Variants in IK observed in about 807,000 individuals in gnomAD.
IK encodes IK cytokine.
A neutral mutation model predicts 90.9 loss-of-function variants in IK; 47 were observed. The ratio of observed to expected loss-of-function variants is 0.52; its 90% CI spans 0.41 to 0.66. The LOEUF (loss-of-function observed/expected upper bound fraction) is 0.66, where lower values mean the gene tolerates loss of function less well. IK is among the 30% of genes least tolerant of loss of function. The pLI is 0.00. For synonymous variants in IK, 201 were observed against 227.5 expected, an observed-to-expected ratio of 0.88 and a Z score of 1.05; for missense variants, 385 against 709.3, an observed-to-expected ratio of 0.54 and a Z score of 5.19.
intron 9 of IK, 30 bp downstream of exon 9, chr5:140,656,022 A>G: frequency 6.5e-7 from 1 of 1,549,134 alleles, no homozygotes; most frequent in East Asian, 2.4e-5. Context: ...AGAGCCTATC[A>G]TGTGAGCCTC....
At chr5:140,648,606 A>C (rs1206071088) in intron 2 of IK, 69 bp downstream of exon 2, 1 of 1,396,116 alleles carries the variant, frequency 7.2e-7, no homozygotes, top group African/African-American at 1.4e-5. Flanking sequence ...GTGATGGTGA[A>C]AGAATTCTGA....
chr5:140,653,744 A>G (rs549505231), intron 5 of IK, among the ~76,000 whole-genome samples, 194 bp from the exon 6 acceptor site: 121 of 151,856 alleles, frequency 8.0e-4, no homozygotes, highest in Non-Finnish European at 1.4e-3. Context: ...AGCTGGGACT[A>G]CAGGCGCCCA....
In IK at chr5:140,662,190, G is replaced by A; in HGVS notation, c.1623G>A (p.Lys541=). ...QWKKISAIIE[K]RKKMEADGVE... ...TGTTGTTTTTGCAGATCATTGAGAA[G>A]AGGAAGAAGATGGAAGCTGATGGGT... Residue 541 remains lysine, a synonymous_variant, in exon 19 of 20, where the codon AAG becomes AAA. Coordinates refer to ENST00000417647, the MANE Select transcript of IK (RefSeq NM_006083.4). The A allele has an allele frequency of 6.2e-7, 1 of 1,614,024 alleles. No individual in the cohort carries two copies. Among genetic ancestry groups the A allele is most frequent in the African/African-American group, 1.3e-5 (1 of 75,048 alleles).
intron 2 of IK, among the ~76,000 whole-genome samples, chr5:140,651,015 A>T (rs1202249207): frequency 1.5e-4 from 23 of 152,220 alleles, no homozygotes. Flanking sequence ...ATTTTAACAA[A>T]TACTGCAAAA....
intron 5 of IK, 83 bp from the exon 6 acceptor site, chr5:140,653,855 G>C: frequency 1.3e-6 from 1 of 799,098 alleles, no homozygotes; most frequent in Non-Finnish European, 2.1e-6. Flanking sequence ...TGTCCGCCTT[G>C]ACCTCCCAGA....
In IK at chr5:140,647,919, G is replaced by A; in HGVS notation, c.11G>A (p.Arg4Gln). 2.5e-6 allele frequency: 4 copies of A among 1,614,040 alleles called. No individual in the cohort carries two copies. The highest frequency in any genetic ancestry group is 3.4e-6 in the Non-Finnish European group (4 of 1,179,884). Residue 4 changes from arginine to glutamine, a missense_variant, in exon 1 of 20, where the codon CGA becomes CAA. Physicochemically the swap from Arg to Gln is conservative, Grantham distance 43 (BLOSUM62 1). Coordinates refer to ENST00000417647, the MANE Select transcript of IK (RefSeq NM_006083.4). ...AAGAACGATAACAAAATGCCGGAGC[G>A]AGATAGTAAGGCTCAGGCCATCCGT... MPERDSEPFSNPLA... is the reference protein window; with the variant it reads MPEQDSEPFSNPLA...
chr5:140,648,276 C>T, intron 1 of IK, 195 bp from the exon 2 acceptor site: 2 of 710,728 alleles, frequency 2.8e-6, no homozygotes, highest in Non-Finnish European at 5.1e-6. Context: ...TCTGATCCTC[C>T]AGCGCAGGAT....
intron 2 of IK, chr5:140,648,740 AGT>A: frequency 5.9e-6 from 3 of 508,678 alleles, no homozygotes; most frequent in Non-Finnish European, 3.4e-6. Flanking sequence ...AAAGGTGTTA[AGT>A]TTTTTTTTTT....
At chr5:140,648,038 G>GTGTGTGTGTGTA in intron 1 of IK, 114 bp downstream of exon 1, 1 of 970,320 alleles carries the variant, frequency 1.0e-6, no homozygotes, top group African/African-American at 2.0e-5. Context: ...GTGTGTGTGT[G>GTGTGTGTGTGTA]TGTGTGTATG....
At chr5:140,657,746 C>T (rs745985445) in intron 10 of IK, 84 bp downstream of exon 10, 4 of 846,088 alleles carry the variant, frequency 4.7e-6, no homozygotes, top group African/African-American at 1.7e-5. Flanking sequence ...TTTCTGTCTC[C>T]AGAATATTGA....
chr5:140,660,120 A>G lies in IK; in HGVS notation c.1280A>G (p.Lys427Arg), dbSNP rs753605424. Residue 427 changes from lysine to arginine, a missense_variant, in exon 15 of 20, where the codon AAG (lysine) becomes AGG (arginine). Transcript: ENST00000417647. ...SAGWEGTESL[K>R]KPEDKKQLGD... ...TTTTCTTTAACATAGCATATGCTGAAGAAGCCAGAAGACAAAAAGCAGCTG... is the reference window on the plus strand; with the variant it reads ...TTTTCTTTAACATAGCATATGCTGAGGAAGCCAGAAGACAAAAAGCAGCTG... The G allele has an allele frequency of 5.0e-6, 8 of 1,613,538 alleles. No individual in the cohort carries two copies. In the South Asian group the frequency reaches 7.7e-5, roughly 16 times the overall value.
chr5:140,661,871 T>C lies in IK; in HGVS notation c.1503-28T>C. 1 of 1,569,632 alleles carries C rather than the reference T, an allele frequency of 6.4e-7. No individual in the cohort carries two copies. The highest frequency in any genetic ancestry group is 8.7e-7 in the Non-Finnish European group (1 of 1,151,146). ...CTCGCCACTGCTATGCAATCTCTGA[T>C]GCATTCTTTCCCAACTGCTTTTTTC... On this transcript the variant is annotated intron_variant, in intron 17 of 19. Coordinates refer to ENST00000417647, the MANE Select transcript of IK (RefSeq NM_006083.4). This position sits in a 1 kb window ranked among gnomAD's most constrained non-coding sequence, Gnocchi z 4.2.
At chr5:140,657,505 A>C (rs901040530) in intron 9 of IK, 49 bp from the exon 10 acceptor site, 35 of 1,246,612 alleles carry the variant, frequency 2.8e-5, no homozygotes, top group Non-Finnish European at 3.9e-5. Flanking sequence ...GAATAAATGA[A>C]GAGATTTCTG....
At position 140,648,510 on chromosome 5, in the gene IK, A is replaced by G. The variant is rs1429135555; in HGVS notation, c.56A>G (p.Asp19Gly). ...FSNPLAPDGH[D>G]VDDPHSFHQS... ...AACCCTTTGGCCCCCGATGGCCACG[A>G]TGTGGATGATCCTCACTCCTTCCAC... Residue 19 changes from aspartate (D) to glycine (G), a missense_variant, in exon 2 of 20, where the codon GAT becomes GGT. By Grantham distance (94) the Asp-to-Gly change is moderately conservative (BLOSUM62 -1). Transcript: ENST00000417647. 4 of 1,613,816 alleles carry G rather than the reference A, an allele frequency of 2.5e-6. No individual in the cohort carries two copies. Among genetic ancestry groups the G allele is most frequent in the Non-Finnish European group, 3.4e-6 (4 of 1,179,848 alleles).
chr5:140,653,194 G>T (rs1318090295), intron 5 of IK, 50 bp downstream of exon 5: 6 of 1,516,634 alleles, frequency 4.0e-6, no homozygotes, highest in African/African-American at 1.4e-5. Context: ...CGAGAGTCAT[G>T]CAAATACAAT....
At chr5:140,650,771 A>C (rs937816178) in intron 2 of IK, among the ~76,000 whole-genome samples, 4 of 151,826 alleles carry the variant, frequency 2.6e-5, no homozygotes, top group African/African-American at 9.7e-5. Flanking sequence ...TAGAGATGGG[A>C]TATCACCATG....
intron 3 of IK, 78 bp downstream of exon 3, chr5:140,651,884 CTT>C (rs1270034271): frequency 3.1e-6 from 3 of 957,182 alleles, no homozygotes; most frequent in African/African-American, 1.6e-5. Flanking sequence ...AGTAGAATGA[CTT>C]TTAATAGTCC....
chr5:140,648,040 GTGTGTATGTATGTA>G (rs1561968627), intron 1 of IK, 116 bp downstream of exon 1: 2 of 763,152 alleles, frequency 2.6e-6, no homozygotes, highest in South Asian at 1.6e-5. Flanking sequence ...GTGTGTGTGT[GTGTGTATGTATGTA>G]TGTGTGACGC....
In IK at chr5:140,647,886, G is replaced by T; in HGVS notation, c.-23G>T. 1 of 1,613,958 alleles carries T rather than the reference G, an allele frequency of 6.2e-7. No individual in the cohort carries two copies. Among genetic ancestry groups the T allele is most frequent in the Non-Finnish European group, 8.5e-7 (1 of 1,179,826 alleles). ...TGCTGTTGGAGACTCGATTGTTGGT[G>T]ACAGCGAAAGAACGATAACAAAATG... On this transcript the variant is annotated 5_prime_UTR_variant, in exon 1 of 20. Coordinates refer to ENST00000417647, the MANE Select transcript of IK (RefSeq NM_006083.4).
Sources: gnomAD v4.1 joint callset for allele counts (sites outside exome capture counted in the v4.1 genomes callset) on GRCh38, gnomAD v4.1.1 for gene constraint, Gnocchi (gnomAD v3.1) non-coding constraint, MANE v1.5 for transcripts, NCBI Gene and HGNC (gene_info 2026-07-23, HGNC 2026-07-21) for gene names.